Variants in EPHA6 observed in about 807,000 individuals in gnomAD.
EPHA6 encodes the protein ephrin type-A receptor 6.
A neutral mutation model predicts 112.0 loss-of-function variants in EPHA6; 50 were observed. The observed-to-expected ratio is 0.45, with a 90% CI of 0.36 to 0.56. EPHA6 has a LOEUF of 0.56. Among genes scored for constraint, EPHA6 ranks in the 20% least tolerant of loss-of-function variants. The probability of loss-of-function intolerance (pLI) is 0.00; values close to 1 mark genes in which losing one functional copy is unlikely to be tolerated. For synonymous variants in EPHA6, 529 were observed against 490.7 expected (o/e 1.08, Z -1.03); for missense variants, 1,280 against 1,417.4 (o/e 0.90, Z 1.56).
At chr3:97,349,857 G>C (rs2083715589) in intron 5 of EPHA6, among the ~76,000 whole-genome samples, 1 of 151,838 alleles carries the variant, frequency 6.6e-6, no homozygotes, top group Admixed American at 6.6e-5. Context: ...TTCCAGACGT[G>C]ATAAAAATTT....
chr3:97,502,167 C>CTTTT (rs773321621), intron 10 of EPHA6, among the ~76,000 whole-genome samples: 17 of 124,312 alleles, frequency 1.4e-4, no homozygotes, highest in African/African-American at 2.6e-4. Flanking sequence ...TAACTACCTG[C>CTTTT]TTTTTTTTTT....
At chr3:97,655,098 GTTATATA>G (rs1041719094) in intron 14 of EPHA6, among the ~76,000 whole-genome samples, 16 of 147,548 alleles carry the variant, frequency 1.1e-4, no homozygotes, top group East Asian at 2.0e-4. Flanking sequence ...TATATTATAT[GTTATATA>G]TTATATATTA....
intron 2 of EPHA6, among the ~76,000 whole-genome samples, chr3:96,903,063 T>C (rs78512246): frequency 0.023 from 3,519 of 152,258 alleles, 142 homozygotes; most frequent in African/African-American, 0.08. Context: ...ATAAAAGTTA[T>C]AGACTTATGG....
intron 11 of EPHA6, among the ~76,000 whole-genome samples, chr3:97,569,401 G>A (rs1427939220): frequency 1.3e-5 from 2 of 152,124 alleles, no homozygotes; most frequent in East Asian, 3.9e-4. Context: ...TTACTTAAAA[G>A]TTAAGAAATG....
chr3:97,213,721 A>G (rs1477942152), intron 3 of EPHA6, among the ~76,000 whole-genome samples: 1 of 152,104 alleles, frequency 6.6e-6, no homozygotes, highest in East Asian at 1.9e-4. Flanking sequence ...TGAGTCCTCA[A>G]ATTGCTGCTT....
chr3:96,968,283 TA>T (rs1391222412), intron 2 of EPHA6, among the ~76,000 whole-genome samples: 1 of 151,712 alleles, frequency 6.6e-6, no homozygotes, highest in Non-Finnish European at 1.5e-5. Context: ...TGTGTCCTTT[TA>T]ATGTTTGACC....
At chr3:97,292,849 G>C (rs1164897465) in intron 5 of EPHA6, among the ~76,000 whole-genome samples, 4 of 151,334 alleles carry the variant, frequency 2.6e-5, no homozygotes, top group Non-Finnish European at 5.9e-5. Flanking sequence ...GGAGACCCGT[G>C]GTGGGTAGCT....
Position 97,624,851 on chromosome 3 carries a change from A to G in EPHA6, c.2575-13022A>G, listed in dbSNP as rs192822628. Among the ~76,000 whole-genome samples the G allele has an allele frequency of 2.5e-3, 385 of 151,672 alleles. 3 individuals are homozygous for G. Among genetic ancestry groups the G allele is most frequent in the African/African-American group, 8.9e-3 (368 of 41,474 alleles). On this transcript the variant is annotated intron_variant, in intron 13 of 17. Transcript: ENST00000389672. The stretch of plus-strand genomic sequence containing the variant: ...TAATTGTTCACATACAATCATTTAT[A>G]GTACTGTCATAATCCTTTTTATTTC...
chr3:97,272,297 C>CGT (rs58790255), intron 5 of EPHA6, among the ~76,000 whole-genome samples: 1,930 of 150,324 alleles, frequency 0.013, 38 homozygotes, highest in African/African-American at 0.043. Flanking sequence ...TATTCCATTT[C>CGT]GTGTGTGTGT....
At chr3:97,737,023 A>G (rs1025832349) in intron 16 of EPHA6, among the ~76,000 whole-genome samples, 1 of 151,988 alleles carries the variant, frequency 6.6e-6, no homozygotes, top group East Asian at 1.9e-4. Context: ...GACTATTTGA[A>G]ACAGACCTCA....
chr3:97,553,891 A>G (rs891673946), intron 11 of EPHA6, among the ~76,000 whole-genome samples: 1 of 152,092 alleles, frequency 6.6e-6, no homozygotes, highest in East Asian at 1.9e-4. Context: ...ATCTCTAGAA[A>G]CATAATTTCT....
At chr3:97,056,101 G>GA (rs1417130982) in intron 3 of EPHA6, among the ~76,000 whole-genome samples, 1 of 152,068 alleles carries the variant, frequency 6.6e-6, no homozygotes, top group African/African-American at 2.4e-5. Context: ...ATGATTTAGA[G>GA]AAAATCGAGA....
chr3:97,652,849 A>T (rs1351498543), intron 14 of EPHA6, among the ~76,000 whole-genome samples: 1 of 152,010 alleles, frequency 6.6e-6, no homozygotes, highest in East Asian at 1.9e-4. Flanking sequence ...TATTTGCTTA[A>T]GCATCTGAGT....
At chr3:97,223,639 A>G (rs933958658) in intron 3 of EPHA6, among the ~76,000 whole-genome samples, 3 of 152,196 alleles carry the variant, frequency 2.0e-5, no homozygotes, top group African/African-American at 7.2e-5. Flanking sequence ...GAGAAAGCCA[A>G]TGGAAGGCTC....
intron 3 of EPHA6, among the ~76,000 whole-genome samples, chr3:97,188,319 G>A (rs191189971): frequency 6.6e-6 from 1 of 151,816 alleles, no homozygotes; most frequent in Non-Finnish European, 1.5e-5. Context: ...GATAACTCAA[G>A]AATTAATGTA....
At chr3:97,418,310 G>A (rs1387046819) in intron 6 of EPHA6, among the ~76,000 whole-genome samples, 2 of 151,870 alleles carry the variant, frequency 1.3e-5, no homozygotes, top group African/African-American at 4.8e-5. Context: ...ACAGAACAGA[G>A]AGCATACAAT....
At chr3:97,314,193 G>A (rs946084935) in intron 5 of EPHA6, among the ~76,000 whole-genome samples, 1 of 151,426 alleles carries the variant, frequency 6.6e-6, no homozygotes, top group African/African-American at 2.4e-5. Flanking sequence ...CCGTAAACAT[G>A]GTGTTTATTT....
chr3:96,869,015 A>G (rs1195671383), intron 2 of EPHA6, among the ~76,000 whole-genome samples: 2 of 152,050 alleles, frequency 1.3e-5, no homozygotes, highest in African/African-American at 4.8e-5. Flanking sequence ...AATAGTCTGA[A>G]CAAATAACGT....
At chr3:97,242,841 G>A (rs967541537) in intron 4 of EPHA6, among the ~76,000 whole-genome samples, 2 of 151,538 alleles carry the variant, frequency 1.3e-5, no homozygotes, top group African/African-American at 4.8e-5. Context: ...CTAAAATATG[G>A]CGTGACTGTT....
Sources: allele counts gnomAD v4.1 joint callset (sites outside exome capture counted in the v4.1 genomes callset), GRCh38; gene constraint gnomAD v4.1.1; transcripts MANE v1.5; gene names NCBI Gene and HGNC (gene_info 2026-07-23, HGNC 2026-07-21).